The following USP13 variants were observed in gnomAD, a reference collection of about 807,000 sequenced individuals.
USP13 encodes the protein ubiquitin specific peptidase 13.
A neutral mutation model predicts 107.8 loss-of-function variants in USP13; 68 were observed. The observed-to-expected ratio is 0.63, with a 90% CI of 0.52 to 0.77. The LOEUF is 0.77. USP13 is among the 30% of genes least tolerant of loss of function. USP13 has a pLI of 0.00. For missense variants in USP13, 945 were observed against 1,093.3 expected, an observed-to-expected ratio of 0.86 and a Z score of 1.91; for synonymous variants, 377 against 389.5, an observed-to-expected ratio of 0.97 and a Z score of 0.38.
intron 20 of USP13, among the ~76,000 whole-genome samples, chr3:179,783,006 A>G (rs1283442287): frequency 7.2e-5 from 11 of 152,184 alleles, no homozygotes; most frequent in Admixed American, 7.2e-4. Flanking sequence ...TGGCCTCCCA[A>G]AGTGCTGAGA....
intron 2 of USP13, among the ~76,000 whole-genome samples, chr3:179,689,405 G>T (rs9853098): frequency 0.92 from 140,215 of 152,078 alleles, 64,715 homozygotes; most frequent in African/African-American, 0.96. Context: ...ACACCTGTAA[G>T]CCCAGCACTT....
intron 6 of USP13, among the ~76,000 whole-genome samples, chr3:179,717,007 A>G (rs16830761): frequency 0.023 from 3,576 of 152,298 alleles, 157 homozygotes; most frequent in African/African-American, 0.082. Flanking sequence ...TCTAAAATGA[A>G]TGCAGTTACT....
chr3:179,670,067 A>G (rs575465095), intron 1 of USP13, among the ~76,000 whole-genome samples: 1 of 152,082 alleles, frequency 6.6e-6, no homozygotes, highest in East Asian at 1.9e-4. Context: ...CCTACCCTCA[A>G]AGCAGTAGCC....
At chr3:179,654,640 T>C (rs184862626) in intron 1 of USP13, among the ~76,000 whole-genome samples, 306 of 152,304 alleles carry the variant, frequency 2.0e-3, no homozygotes, top group Non-Finnish European at 3.4e-3. Context: ...TCTCAATGCA[T>C]TGGGAGGCGC....
chr3:179,770,833 C>G (rs1715322788), intron 19 of USP13, among the ~76,000 whole-genome samples: 1 of 152,072 alleles, frequency 6.6e-6, no homozygotes, highest in Non-Finnish European at 1.5e-5. Context: ...GTCTCCATTT[C>G]CCGACCTTGT....
chr3:179,693,107 C>T (rs943682713), intron 3 of USP13, among the ~76,000 whole-genome samples: 1 of 152,106 alleles, frequency 6.6e-6, no homozygotes, highest in Admixed American at 6.6e-5. Context: ...GTTTTATATC[C>T]AGGTTCTTTA....
chr3:179,690,150 T>G lies in USP13; in HGVS notation c.295-91T>G, dbSNP rs948550890. 2.1e-4 allele frequency: 266 copies of G among 1,256,074 alleles called. 2 individuals are homozygous for G. Among genetic ancestry groups the G allele is most frequent in the Admixed American group, 1.1e-4 (5 of 44,366 alleles). The allele number at this position is 1,256,074 out of a possible 1,614,324, so 77.8% of individuals were successfully genotyped here. A position where few individuals can be genotyped will look rare whatever the true frequency, so the allele number is the denominator to read the frequency against. On this transcript the variant is annotated intron_variant, in intron 2 of 20. Transcript: ENST00000263966. ...TGGAATATTTCTTCTTGGCCTTCTG[T>G]AAAAACTAGGAACCTCTGAGATGTG...
At chr3:179,728,800 C>T (rs1389782399) in intron 8 of USP13, among the ~76,000 whole-genome samples, 2 of 152,162 alleles carry the variant, frequency 1.3e-5, no homozygotes, top group African/African-American at 2.4e-5. Flanking sequence ...GCCAACACAG[C>T]GAAACCCCGT....
At chr3:179,680,225 A>C (rs1261822656) in intron 1 of USP13, among the ~76,000 whole-genome samples, 1 of 151,434 alleles carries the variant, frequency 6.6e-6, no homozygotes, top group Admixed American at 6.6e-5. Context: ...AGAGAGAGAA[A>C]GAGAACAATA....
chr3:179,663,040 T>C (rs147587204), intron 1 of USP13, among the ~76,000 whole-genome samples: 2 of 152,330 alleles, frequency 1.3e-5, no homozygotes, highest in East Asian at 3.9e-4. Context: ...TTCAGTGGCA[T>C]TGGAGTACAT....
chr3:179,787,165 A>G lies in USP13; in HGVS notation c.*3024A>G, dbSNP rs1421067823. ...CAAGAGAATGTGCCTGACATTTCCCAGTGCTTACTTTGGGCTATAGGAAGT... is the reference window on the plus strand; with the variant it reads ...CAAGAGAATGTGCCTGACATTTCCCGGTGCTTACTTTGGGCTATAGGAAGT... On this transcript the variant is annotated 3_prime_UTR_variant, in exon 21 of 21. Transcript: ENST00000263966. 6.6e-6 allele frequency: 1 copy of G among 152,220 alleles called. No homozygotes were observed. The highest frequency in any genetic ancestry group is 1.5e-5 in the Non-Finnish European group (1 of 68,044). 9.4% of individuals were successfully genotyped at this position (152,220 alleles called of 1,614,324 possible).
chr3:179,699,834 G>A (rs763648988), intron 3 of USP13, among the ~76,000 whole-genome samples: 6 of 151,024 alleles, frequency 4.0e-5, no homozygotes, highest in African/African-American at 1.2e-4. Context: ...GAGCAGAGCT[G>A]TACACAAACA....
rs1456678314 is a variant in USP13 at position 179,691,418 on chromosome 3, T to C, written c.355+1117T>C. On this transcript the variant is annotated intron_variant, in intron 3 of 20. Transcript: ENST00000263966. ...TGAAGAGTGCTGGTCAGTTATTTTGTAGACTAGACCTCAGTTTGGCTTTAT... is the reference window on the plus strand; with the variant it reads ...TGAAGAGTGCTGGTCAGTTATTTTGCAGACTAGACCTCAGTTTGGCTTTAT... 2.0e-5 allele frequency among the ~76,000 whole-genome samples: 3 copies of C among 152,202 alleles called. No individual in the cohort carries two copies. The East Asian group carries it at 5.8e-4, about 29-fold the overall frequency.
Position 179,784,079 on chromosome 3 carries a change from G to A in USP13, c.2530G>A (p.Ala844Thr). The A allele has an allele frequency of 6.2e-7, 1 of 1,613,282 alleles. No homozygotes were observed. The highest frequency in any genetic ancestry group is 8.5e-7 in the Non-Finnish European group (1 of 1,179,784). The change falls in exon 21 of 21, where the codon GCC becomes ACC. Residue 844 changes from alanine to threonine, a missense_variant. Coordinates refer to ENST00000263966, the MANE Select transcript of USP13 (RefSeq NM_003940.3). ...GATTTACAATGACCACAAAGTTTGT[G>A]CCTCAGAAAGGCCCCCTAAAGACCT... ...WVIYNDHKVC[A>T]SERPPKDLGY...
chr3:179,686,921 T>G (rs1711893436), intron 2 of USP13, among the ~76,000 whole-genome samples: 1 of 152,262 alleles, frequency 6.6e-6, no homozygotes, highest in South Asian at 2.1e-4. Context: ...TTTCTCAGTT[T>G]CTTTCACCAA....
intron 10 of USP13, among the ~76,000 whole-genome samples, chr3:179,738,718 A>G (rs1259366176): frequency 2.0e-5 from 3 of 152,012 alleles, no homozygotes; most frequent in Non-Finnish European, 4.4e-5. Flanking sequence ...ATTCCTTGTG[A>G]TTTTCTGTAG....
At chr3:179,731,915 G>A (rs1357315597) in intron 10 of USP13, among the ~76,000 whole-genome samples, 1 of 152,190 alleles carries the variant, frequency 6.6e-6, no homozygotes, top group African/African-American at 2.4e-5. Context: ...CCTGTAGACT[G>A]AGAGCAAGAA....
At chr3:179,711,446 C>T (rs1396418520) in intron 6 of USP13, among the ~76,000 whole-genome samples, 2 of 152,180 alleles carry the variant, frequency 1.3e-5, no homozygotes, top group Admixed American at 6.5e-5. Context: ...CTCCTGACCT[C>T]AGGTGATCCA....
rs1299002147 is a variant in USP13 at position 179,730,320 on chromosome 3, G to A, written c.1160+60G>A. 2.0e-6 allele frequency: 3 copies of A among 1,537,256 alleles called. No individual in the cohort carries two copies. The African/African-American group carries it at 4.1e-5, about 21-fold the overall frequency. On this transcript the variant is annotated intron_variant, in intron 9 of 20. Coordinates refer to ENST00000263966, the MANE Select transcript of USP13 (RefSeq NM_003940.3). ...AAAAGCATCCAATAAAATGTTCATA[G>A]TGGATATCTCTGGGTTGCAAAATTA...
Sources: allele counts gnomAD v4.1 joint callset (sites outside exome capture counted in the v4.1 genomes callset), GRCh38; gene constraint gnomAD v4.1.1; transcripts MANE v1.5; gene names NCBI Gene and HGNC (gene_info 2026-07-23, HGNC 2026-07-21).